SGCZ: variants seen among roughly 807,000 people sequenced by gnomAD.
SGCZ encodes the protein sarcoglycan zeta.
SGCZ carries 40 observed loss-of-function variants against 41.3 expected under a neutral mutation model. That is an observed-to-expected ratio of 0.97 (90% CI 0.75 to 1.26). SGCZ has a LOEUF of 1.26. Ranked by LOEUF, SGCZ falls within the 50% of genes most tolerant of loss-of-function variation. SGCZ has a pLI of 0.00. For missense variants in SGCZ, 552 were observed against 369.8 expected (o/e 1.49, Z -4.04); for synonymous variants, 206 against 137.5 (o/e 1.50, Z -3.49).
intron 1 of SGCZ, among the ~76,000 whole-genome samples, chr8:15,108,512 T>C (rs375115651): frequency 6.6e-6 from 1 of 152,196 alleles, no homozygotes; most frequent in African/African-American, 2.4e-5. Context: ...TAAACAACCA[T>C]TGAACAACTG....
chr8:14,581,653 T>C (rs1384181411), intron 1 of SGCZ, among the ~76,000 whole-genome samples: 2 of 152,078 alleles, frequency 1.3e-5, no homozygotes, highest in East Asian at 1.9e-4. Context: ...CCAGAAAGCA[T>C]CACCAAGAGT....
intron 2 of SGCZ, among the ~76,000 whole-genome samples, chr8:14,547,062 T>C (rs1374494197): frequency 1.3e-5 from 2 of 152,170 alleles, no homozygotes; most frequent in Non-Finnish European, 2.9e-5. Flanking sequence ...CTCTGGCATC[T>C]TAAACTTTCC....
At chr8:14,356,814 T>C (rs1803313771) in intron 2 of SGCZ, among the ~76,000 whole-genome samples, 1 of 152,098 alleles carries the variant, frequency 6.6e-6, no homozygotes, top group Admixed American at 6.5e-5. Flanking sequence ...CACTTGGTTT[T>C]TAATAAAAGT....
intron 5 of SGCZ, among the ~76,000 whole-genome samples, chr8:14,126,591 T>A (rs779187869): frequency 1.3e-5 from 2 of 152,108 alleles, no homozygotes; most frequent in Non-Finnish European, 2.9e-5. Flanking sequence ...TCCTCAAGAA[T>A]CTAGAAACAG....
At chr8:14,693,312 G>C (rs796624222) in intron 1 of SGCZ, among the ~76,000 whole-genome samples, 2 of 143,206 alleles carry the variant, frequency 1.4e-5, no homozygotes, top group African/African-American at 5.3e-5. Flanking sequence ...TTTTCCCCCA[G>C]ATGAAATCTT....
At chr8:14,517,751 A>G (rs1383606181) in intron 2 of SGCZ, among the ~76,000 whole-genome samples, 1 of 151,918 alleles carries the variant, frequency 6.6e-6, no homozygotes, top group Admixed American at 6.6e-5. Flanking sequence ...AATTAATAGT[A>G]TATTCATGCT....
At chr8:15,181,558 G>C (rs530342092) in intron 1 of SGCZ, among the ~76,000 whole-genome samples, 1 of 152,220 alleles carries the variant, frequency 6.6e-6, no homozygotes, top group South Asian at 2.1e-4. Flanking sequence ...GTAGTGTCAA[G>C]CAAATAAGTG....
At chr8:14,259,261 C>G (rs986631597) in intron 3 of SGCZ, among the ~76,000 whole-genome samples, 10 of 152,126 alleles carry the variant, frequency 6.6e-5, no homozygotes, top group Non-Finnish European at 1.5e-4. Context: ...TAAAAGGCAG[C>G]AAGTTATTTT....
intron 2 of SGCZ, among the ~76,000 whole-genome samples, chr8:14,528,814 A>G (rs75521086): frequency 0.031 from 4,176 of 134,422 alleles, 220 homozygotes; most frequent in African/African-American, 0.11. Flanking sequence ...ATAACACAAC[A>G]TCACGGACCA....
intron 1 of SGCZ, among the ~76,000 whole-genome samples, chr8:14,562,461 T>C (rs1186161623): frequency 6.6e-6 from 1 of 152,150 alleles, no homozygotes; most frequent in African/African-American, 2.4e-5. Context: ...AAATACATTA[T>C]ATAAGCAATA....
intron 1 of SGCZ, among the ~76,000 whole-genome samples, chr8:14,899,398 G>T (rs1403090446): frequency 6.6e-6 from 1 of 152,102 alleles, no homozygotes. Flanking sequence ...TGACCTTAAA[G>T]ATTTTATAGT....
chr8:14,810,195 T>G (rs1009001907), intron 1 of SGCZ, among the ~76,000 whole-genome samples: 3 of 152,036 alleles, frequency 2.0e-5, no homozygotes, highest in Admixed American at 6.6e-5. Flanking sequence ...ACAAGATACT[T>G]AATATAATTA....
intron 4 of SGCZ, among the ~76,000 whole-genome samples, chr8:14,205,721 C>T (rs370791325): frequency 6.6e-6 from 1 of 152,016 alleles, no homozygotes; most frequent in African/African-American, 2.4e-5. Flanking sequence ...TTGTAGACAC[C>T]AGCTTAATGT....
At chr8:14,112,981 T>G (rs563593067) in intron 5 of SGCZ, among the ~76,000 whole-genome samples, 25 of 152,252 alleles carry the variant, frequency 1.6e-4, no homozygotes, top group African/African-American at 5.3e-4. Context: ...CTTTGAATAC[T>G]GAAAAATTTA....
At chr8:14,934,451 G>C (rs1040790535) in intron 1 of SGCZ, among the ~76,000 whole-genome samples, 1 of 151,834 alleles carries the variant, frequency 6.6e-6, no homozygotes, top group African/African-American at 2.4e-5. Flanking sequence ...TGAAAAAGTA[G>C]ATTAACAGAA....
At chr8:15,021,529 G>A (rs561835305) in intron 1 of SGCZ, among the ~76,000 whole-genome samples, 7 of 152,284 alleles carry the variant, frequency 4.6e-5, no homozygotes, top group Non-Finnish European at 7.4e-5. Flanking sequence ...GCTTACTTAC[G>A]TTGGCACAAC....
chr8:14,370,145 C>T (rs1487720775), intron 2 of SGCZ, among the ~76,000 whole-genome samples: 8 of 151,824 alleles, frequency 5.3e-5, no homozygotes, highest in Non-Finnish European at 1.0e-4. Flanking sequence ...ACTAGTTTGA[C>T]ACAAAGGAGA....
At chr8:14,869,407 C>A (rs1368761200) in intron 1 of SGCZ, among the ~76,000 whole-genome samples, 1 of 152,116 alleles carries the variant, frequency 6.6e-6, no homozygotes, top group Admixed American at 6.5e-5. Flanking sequence ...GCTAAAAACT[C>A]ACAATAAACT....
chr8:14,619,664 C>A (rs571292871), intron 1 of SGCZ, among the ~76,000 whole-genome samples: 1 of 152,110 alleles, frequency 6.6e-6, no homozygotes, highest in African/African-American at 2.4e-5. Context: ...AACAGAGAAC[C>A]AAATCATGAG....
Sources: allele counts gnomAD v4.1 joint callset (sites outside exome capture counted in the v4.1 genomes callset), GRCh38; gene constraint gnomAD v4.1.1; transcripts MANE v1.5; gene names NCBI Gene and HGNC (gene_info 2026-07-23, HGNC 2026-07-21).